HELQ: variants seen among roughly 807,000 people sequenced by gnomAD.
HELQ encodes the protein helicase, POLQ like.
A neutral mutation model predicts 111.6 loss-of-function variants in HELQ; 77 were observed. That is an observed-to-expected ratio of 0.69 (90% CI 0.57 to 0.83). HELQ has a LOEUF of 0.83. Among genes scored for constraint, HELQ ranks in the 40% least tolerant of loss-of-function variants. The pLI is 0.00. For synonymous variants in HELQ, 438 were observed against 454.7 expected (o/e 0.96, Z 0.47); for missense variants, 1,200 against 1,288.5 (o/e 0.93, Z 1.05).
chr4:83,432,906 A>G (rs1720232910), intron 9 of HELQ, among the ~76,000 whole-genome samples: 1 of 151,956 alleles, frequency 6.6e-6, no homozygotes, highest in Non-Finnish European at 1.5e-5. Context: ...AACAACAACA[A>G]AAAACTGGCT....
At chr4:83,448,304 T>C (rs1721161692) in intron 3 of HELQ, among the ~76,000 whole-genome samples, 1 of 152,208 alleles carries the variant, frequency 6.6e-6, no homozygotes, top group South Asian at 2.1e-4. Context: ...AACTGGTAAT[T>C]AGTATTTGAA....
In HELQ at chr4:83,436,973, T is replaced by C. The variant is rs922626296; in HGVS notation, c.1933A>G (p.Ser645Gly). ...TIPFGVAYHH[S>G]GLTSDERKLL... The stretch of plus-strand genomic sequence containing the variant: ...TTCCTTTCATCACTTGTTAAGCCAC[T>C]GTGGTGATAGGCAACTCCAAATGGG... The change falls in exon 9 of 18, where the codon AGT becomes GGT. Residue 645 changes from serine (S) to glycine (G), a missense_variant. Ser to Gly is a moderately conservative substitution (Grantham distance 56). Transcript: ENST00000295488. 5 of 1,614,080 alleles carry C rather than the reference T, an allele frequency of 3.1e-6. No homozygotes were observed. The South Asian group carries it at 4.4e-5, about 14-fold the overall frequency.
At position 83,453,867 on chromosome 4, in the gene HELQ, G is replaced by A. The variant is rs201666480; in HGVS notation, c.376C>T (p.Leu126=). 558 of 1,613,964 alleles carry A rather than the reference G, an allele frequency of 3.5e-4. No homozygotes were observed. The highest frequency in any genetic ancestry group is 4.6e-4 in the South Asian group (42 of 91,072). ...ENSFIAQVDD[L]EQKYMQLPEH... ...GGGAGTTGCATATATTTTTGTTCCA[G>A]GTCGTCAACTTGAGCTATAAAGGAG... is the stretch of plus-strand genomic sequence containing the variant. Residue 126 remains leucine (L), a synonymous_variant, in exon 2 of 18, where the codon CTG becomes TTG. Coordinates refer to ENST00000295488, the MANE Select transcript of HELQ (RefSeq NM_133636.5).
At chr4:83,454,902 T>C (rs889381301) in intron 1 of HELQ, among the ~76,000 whole-genome samples, 1 of 152,130 alleles carries the variant, frequency 6.6e-6, no homozygotes, top group African/African-American at 2.4e-5. Flanking sequence ...AAGGAGTTCC[T>C]AGGAATTTGG....
intron 5 of HELQ, 39 bp from the exon 6 acceptor site, chr4:83,443,653 A>C: frequency 1.1e-6 from 1 of 905,650 alleles, no homozygotes; most frequent in Non-Finnish European, 1.8e-6. Flanking sequence ...TGTTAAGGAA[A>C]ATATGTTATT....
Position 83,425,989 on chromosome 4 carries a change from G to A in HELQ, c.2775+5C>T. On this transcript the variant is annotated splice_donor_5th_base_variant and intron_variant, in intron 14 of 17. Transcript: ENST00000295488. Reference sequence around the variant, plus strand: ...TTATTTAGGAAGAAAAAAAGAATGTGGTACCTTTCCGATGGCTTGGCCTGA... The same window carrying A: ...TTATTTAGGAAGAAAAAAAGAATGTAGTACCTTTCCGATGGCTTGGCCTGA... The A allele has an allele frequency of 6.6e-7, 1 of 1,510,186 alleles. No individual in the cohort carries two copies. Among genetic ancestry groups the A allele is most frequent in the Non-Finnish European group, 9.2e-7 (1 of 1,090,888 alleles). The allele number at this position is 1,510,186 out of a possible 1,614,324, so 93.5% of individuals were successfully genotyped here. A position where few individuals can be genotyped will look rare whatever the true frequency, so the allele number is the denominator to read the frequency against.
intron 2 of HELQ, among the ~76,000 whole-genome samples, chr4:83,451,506 CA>C (rs56764890): frequency 2.7e-5 from 4 of 147,742 alleles, no homozygotes; most frequent in Admixed American, 6.8e-5. Flanking sequence ...ACTAAAAATA[CA>C]AAAAAAAAAT....
rs377063473 is a variant in HELQ, at chr4:83,453,244, A to G, written c.999T>C (p.Ile333=). The G allele has an allele frequency of 6.3e-7, 1 of 1,597,132 alleles. No individual in the cohort carries two copies. The highest frequency in any genetic ancestry group is 1.4e-5 in the African/African-American group (1 of 73,678). The part of the protein sequence containing the change: ...VRDLYAQFKG[I]EKLYEWQHTC... ...AAAAAGCATTACCATATAATTTTTC[A>G]ATTCCCTTGAATTGGGCATAAAGGT... Residue 333 remains isoleucine, a synonymous_variant, in exon 2 of 18, where the codon ATT becomes ATC. Transcript: ENST00000295488.
chr4:83,450,374 A>G (rs1054212677), intron 2 of HELQ, among the ~76,000 whole-genome samples: 2 of 151,670 alleles, frequency 1.3e-5, no homozygotes, highest in African/African-American at 2.4e-5. Context: ...TAAAAAAAAA[A>G]AAGAAAGTTA....
chr4:83,427,172 T>G (rs1165930707), intron 13 of HELQ, among the ~76,000 whole-genome samples: 2 of 152,182 alleles, frequency 1.3e-5, no homozygotes, highest in Non-Finnish European at 2.9e-5. Context: ...CGGATAATCT[T>G]TTTTTCTTTT....
rs1369040997 is a variant in HELQ at position 83,427,737 on chromosome 4, A to T, written c.2519-17T>A. 7 of 1,467,636 alleles carry T rather than the reference A, an allele frequency of 4.8e-6. No homozygotes were observed. Among genetic ancestry groups the T allele is most frequent in the Non-Finnish European group, 6.4e-6 (7 of 1,100,142 alleles). The allele number at this position is 1,467,636 out of a possible 1,614,324, so 90.9% of individuals were successfully genotyped here. ...CTATAGTTCCTAAAAGAAAGATACA[A>T]ATATTCAATCTTTCACAATTACCAG... On this transcript the variant is annotated splice_polypyrimidine_tract_variant and intron_variant, in intron 12 of 17. Coordinates refer to ENST00000295488, the MANE Select transcript of HELQ (RefSeq NM_133636.5).
intron 6 of HELQ, among the ~76,000 whole-genome samples, chr4:83,442,426 C>CCCA (rs1560553876): frequency 3.2e-4 from 49 of 151,572 alleles, no homozygotes; most frequent in African/African-American, 1.1e-3. Context: ...TGCTAATATG[C>CCCA]TCTAATTTTT....
chr4:83,412,949 G>A (rs1739178969), intron 17 of HELQ, among the ~76,000 whole-genome samples: 1 of 152,186 alleles, frequency 6.6e-6, no homozygotes. Flanking sequence ...CACTCAATCT[G>A]TTAGTATTAT....
At chr4:83,433,139 G>A (rs116314678) in intron 9 of HELQ, among the ~76,000 whole-genome samples, 1,768 of 151,808 alleles carry the variant, frequency 0.012, 28 homozygotes, top group African/African-American at 0.041. Context: ...TATCCAAAGG[G>A]AAGAAAAAAC....
intron 14 of HELQ, among the ~76,000 whole-genome samples, chr4:83,423,430 A>G (rs956098656): frequency 4.6e-5 from 7 of 152,230 alleles, no homozygotes; most frequent in African/African-American, 7.2e-5. Flanking sequence ...AAAAGCATTA[A>G]GCTGAAAAAG....
chr4:83,408,261 T>TTTTCTTTTTTAGACGGAG (rs1284258132), intron 17 of HELQ, among the ~76,000 whole-genome samples: 4 of 152,222 alleles, frequency 2.6e-5, no homozygotes, highest in Non-Finnish European at 5.9e-5. Flanking sequence ...ACCCGCCTTT[T>TTTTCTTTTTTAGACGGAG]TTTCTTTTTT....
chr4:83,444,241 G>A (rs1720928902), intron 5 of HELQ, among the ~76,000 whole-genome samples: 1 of 152,074 alleles, frequency 6.6e-6, no homozygotes, highest in Non-Finnish European at 1.5e-5. Flanking sequence ...TCCCCTTTAC[G>A]AAGAGCTATG....
chr4:83,425,279 CAA>C (rs11319573), intron 14 of HELQ, among the ~76,000 whole-genome samples: 137 of 70,342 alleles, frequency 1.9e-3, no homozygotes, highest in African/African-American at 4.1e-3. Flanking sequence ...GACTGCACCT[CAA>C]AAAAAAAAAA....
chr4:83,455,322 G>A, intron 1 of HELQ, 75 bp downstream of exon 1: 1 of 1,563,318 alleles, frequency 6.4e-7, no homozygotes, highest in Non-Finnish European at 8.7e-7. Flanking sequence ...AAACGAAGGC[G>A]ATAAAACTGG....
Sources: allele counts gnomAD v4.1 joint callset (sites outside exome capture counted in the v4.1 genomes callset), GRCh38; gene constraint gnomAD v4.1.1; transcripts MANE v1.5; gene names NCBI Gene and HGNC (gene_info 2026-07-23, HGNC 2026-07-21).